The following PRC1 variants were observed in gnomAD, a reference collection of about 807,000 sequenced individuals.
PRC1 encodes the protein anaphase spindle elongation 1 homolog.
In PRC1, 54 loss-of-function variants were observed where a neutral mutation model predicts 91.2. The observed-to-expected ratio is 0.59, with a 90% CI of 0.48 to 0.74. PRC1 has a LOEUF of 0.74. Among genes scored for constraint, PRC1 ranks in the 30% least tolerant of loss-of-function variants. PRC1 has a pLI of 0.00. For missense variants in PRC1, 727 were observed against 746.2 expected, an observed-to-expected ratio of 0.97 and a Z score of 0.30; for synonymous variants, 275 against 263.6, an observed-to-expected ratio of 1.04 and a Z score of -0.42.
intron 14 of PRC1, chr15:90,967,722 A>G (rs2037642234): frequency 6.5e-6 from 4 of 619,548 alleles, no homozygotes; most frequent in Non-Finnish European, 8.1e-6. Context: ...GCCATACCAT[A>G]TAGTTTAGGT....
At chr15:90,967,937 C>T in intron 14 of PRC1, 1 of 985,404 alleles carries the variant, frequency 1.0e-6, no homozygotes, top group East Asian at 1.1e-4. Context: ...ATATATCTAC[C>T]AATCCCTGGG....
chr15:90,980,434 T>G, intron 6 of PRC1, 45 bp from the exon 7 acceptor site: 1 of 1,586,482 alleles, frequency 6.3e-7, no homozygotes, highest in Non-Finnish European at 8.6e-7. Flanking sequence ...TAGTTTTATA[T>G]TCACTCAGGT....
intron 7 of PRC1, 58 bp downstream of exon 7, chr15:90,980,184 C>A (rs967304797): frequency 8.8e-6 from 13 of 1,484,658 alleles, no homozygotes; most frequent in Non-Finnish European, 1.2e-5. Context: ...CTAGGCTGGG[C>A]AACAGAGTAA....
chr15:90,974,292 CG>C lies in PRC1; in HGVS notation c.1351-47del. The C allele has an allele frequency of 6.5e-7, 1 of 1,529,702 alleles. No individual in the cohort carries two copies. The highest frequency in any genetic ancestry group is 1.1e-5 in the South Asian group (1 of 89,138). 94.8% of individuals were successfully genotyped at this position (1,529,702 alleles called of 1,614,324 possible). ...ACAGTGATAAATCTCAGGAAGAGAG[CG>C]GGTCTGGGATGGCAACAGCAGCAGG... On this transcript the variant is annotated intron_variant, in intron 10 of 14. Coordinates refer to ENST00000394249, the MANE Select transcript of PRC1 (RefSeq NM_003981.4). The surrounding 1 kb of genome is among the most constrained non-coding windows in gnomAD (Gnocchi z 4.6).
chr15:90,968,408 A>G (rs2151409353), intron 14 of PRC1: 1 of 985,582 alleles, frequency 1.0e-6, no homozygotes, highest in Non-Finnish European at 1.2e-6. Flanking sequence ...GGTTTAACTC[A>G]ATATCCCCTC....
At position 90,968,019 on chromosome 15, in the gene PRC1, C is replaced by A. The variant is rs546305393; in HGVS notation, c.1792-817G>T. The A allele has an allele frequency of 8.1e-6, 8 of 985,196 alleles. No individual in the cohort carries two copies. In the African/African-American group the frequency reaches 1.4e-4, roughly 17 times the overall value. 61.0% of individuals were successfully genotyped at this position (985,196 alleles called of 1,614,324 possible). A position where few individuals can be genotyped will look rare whatever the true frequency, so the allele number is the denominator to read the frequency against. ...CATGGTAGAGCAGCAAAAGATAAAG[C>A]ATGAATGGCTATTGAGAAAGACAGA... is the stretch of plus-strand genomic sequence containing the variant. On this transcript the variant is annotated intron_variant, in intron 14 of 14. Transcript: ENST00000394249.
rs146633742 is a variant in PRC1, at chr15:90,973,668, C to T, written c.1461+468G>A. Reference sequence around the variant, plus strand: ...GAGAAAACTGCCCTGTGGCTGGAGGCGAGATACGCTGGCGGCAATGCTGCT... The same window carrying T: ...GAGAAAACTGCCCTGTGGCTGGAGGTGAGATACGCTGGCGGCAATGCTGCT... On this transcript the variant is annotated intron_variant, in intron 11 of 14. Coordinates refer to ENST00000394249, the MANE Select transcript of PRC1 (RefSeq NM_003981.4). Among the ~76,000 whole-genome samples, 38 of 152,194 alleles carry T rather than the reference C, an allele frequency of 2.5e-4. No individual in the cohort carries two copies. The East Asian group carries it at 6.6e-3, about 26-fold the overall frequency.
At chr15:90,990,804 A>T (rs1284099531) in intron 1 of PRC1, among the ~76,000 whole-genome samples, 3 of 151,624 alleles carry the variant, frequency 2.0e-5, no homozygotes, top group African/African-American at 7.3e-5. Context: ...TTTGAGACAG[A>T]GTCTCAGTCT....
chr15:90,978,443 C>T (rs2038911770), intron 8 of PRC1, among the ~76,000 whole-genome samples: 1 of 152,042 alleles, frequency 6.6e-6, no homozygotes, highest in Admixed American at 6.6e-5. Flanking sequence ...TTCCTTCCTC[C>T]ACCACACTGT....
chr15:90,989,546 C>T (rs893033608), intron 1 of PRC1, among the ~76,000 whole-genome samples: 1 of 151,426 alleles, frequency 6.6e-6, no homozygotes, highest in Non-Finnish European at 1.5e-5. Context: ...GCACCCGGCC[C>T]CTCAGTTTAA....
intron 8 of PRC1, among the ~76,000 whole-genome samples, chr15:90,978,745 C>G (rs1184740898): frequency 7.7e-6 from 1 of 129,474 alleles, no homozygotes. Context: ...AAGAGCGAAA[C>G]TCCACCTCAA....
rs570487194 is a variant in PRC1, at chr15:90,984,290, G to A, written c.145-150C>T. 2.5e-5 allele frequency: 27 copies of A among 1,101,296 alleles called. No homozygotes were observed. The Admixed American group carries it at 2.8e-4, about 12-fold the overall frequency. The allele number at this position is 1,101,296 out of a possible 1,614,324, so 68.2% of individuals were successfully genotyped here. A position where few individuals can be genotyped will look rare whatever the true frequency, so the allele number is the denominator to read the frequency against. Reference sequence around the variant, plus strand: ...GTTGCCCAGGCTGGAGTGCAATGGCGTGCTTTCGGCTCACTGCAACCTCTA... The same window carrying A: ...GTTGCCCAGGCTGGAGTGCAATGGCATGCTTTCGGCTCACTGCAACCTCTA... On this transcript the variant is annotated intron_variant, in intron 2 of 14. Coordinates refer to ENST00000394249, the MANE Select transcript of PRC1 (RefSeq NM_003981.4). This position sits in a 1 kb window ranked among gnomAD's most constrained non-coding sequence, Gnocchi z 5.1.
At chr15:90,976,430 A>C (rs8036430) in intron 9 of PRC1, among the ~76,000 whole-genome samples, 61,534 of 145,250 alleles carry the variant, frequency 0.42, 17,563 homozygotes, top group African/African-American at 0.79. Flanking sequence ...ATGCCTGCCT[A>C]GGCCTCCCAA....
At chr15:90,993,548 C>A (rs1387951530) in intron 1 of PRC1, among the ~76,000 whole-genome samples, 2 of 152,134 alleles carry the variant, frequency 1.3e-5, no homozygotes, top group Non-Finnish European at 2.9e-5. Context: ...AACGCTGTAT[C>A]ATCAGAAAAC....
chr15:90,993,139 G>T (rs1201798830), intron 1 of PRC1, among the ~76,000 whole-genome samples: 1 of 148,244 alleles, frequency 6.7e-6, no homozygotes, highest in Non-Finnish European at 1.5e-5. Flanking sequence ...ACATTAAAGG[G>T]TAAGTTTTCT....
At chr15:90,980,174 C>T in intron 7 of PRC1, 68 bp downstream of exon 7, 1 of 1,465,992 alleles carries the variant, frequency 6.8e-7, no homozygotes, top group Non-Finnish European at 9.0e-7. Context: ...GAACTTGAGA[C>T]TAGGCTGGGC....
intron 11 of PRC1, among the ~76,000 whole-genome samples, chr15:90,971,135 T>TG (rs1488986645): frequency 2.0e-5 from 3 of 152,222 alleles, no homozygotes; most frequent in Non-Finnish European, 2.9e-5. Flanking sequence ...AGCTAGAGGC[T>TG]GGGGGCAAAC....
rs375393224 is a variant in PRC1 at position 90,984,569 on chromosome 15, C to T, written c.144+124G>A. ...AAGGGACTTCAAAACCAAACCAAAC[C>T]AAACAGGAAGAGCCTGTGCTATCCT... On this transcript the variant is annotated intron_variant, in intron 2 of 14. Transcript: ENST00000394249. This position sits in a 1 kb window ranked among gnomAD's most constrained non-coding sequence, Gnocchi z 5.1. 1.4e-6 allele frequency: 2 copies of T among 1,422,214 alleles called. No individual in the cohort carries two copies. 88.1% of individuals were successfully genotyped at this position (1,422,214 alleles called of 1,614,324 possible).
intron 14 of PRC1, chr15:90,968,606 C>G: frequency 3.0e-6 from 3 of 993,972 alleles, no homozygotes; most frequent in Non-Finnish European, 3.6e-6. Flanking sequence ...TGGAAAGAGG[C>G]AAAGGTGAGG....
Sources: gnomAD v4.1 joint callset for allele counts (sites outside exome capture counted in the v4.1 genomes callset) on GRCh38, gnomAD v4.1.1 for gene constraint, Gnocchi (gnomAD v3.1) non-coding constraint, MANE v1.5 for transcripts, NCBI Gene and HGNC (gene_info 2026-07-23, HGNC 2026-07-21) for gene names.